The following POMGNT2 variants were observed in gnomAD, a reference collection of about 807,000 sequenced individuals.
The protein encoded by POMGNT2 is protein O-linked mannose N-acetylglucosaminyltransferase 2 (beta 1,4-).
POMGNT2 carries 32 observed loss-of-function variants against 37.8 expected under a neutral mutation model. The ratio of observed to expected loss-of-function variants is 0.85; its 90% CI spans 0.64 to 1.14. The LOEUF is 1.14. Ranked by LOEUF, POMGNT2 falls within the 50% of genes most tolerant of loss-of-function variation. The probability of loss-of-function intolerance (pLI) is 0.00; values close to 1 mark genes in which losing one functional copy is unlikely to be tolerated. For synonymous variants in POMGNT2, 340 were observed against 336.8 expected, an observed-to-expected ratio of 1.01 and a Z score of -0.10; for missense variants, 705 against 780.6, an observed-to-expected ratio of 0.90 and a Z score of 1.15.
At chr3:43,085,540 T>C (rs962333230) in intron 1 of POMGNT2, among the ~76,000 whole-genome samples, 2 of 152,164 alleles carry the variant, frequency 1.3e-5, no homozygotes, top group African/African-American at 2.4e-5. Flanking sequence ...ACGTAAGATG[T>C]GCCTTGTTCC....
rs1559414462 is a variant in POMGNT2, at chr3:43,080,752, A to T, written c.680T>A (p.Leu227Gln). ...RAQLKTLGRL[L>Q]CFSHAFVGLS... ...GCCCACAAAAGCATGGGAGAAGCAC[A>T]GCAGCCGGCCCAGGGTCTTCAGCTG... Residue 227 changes from leucine (L) to glutamine (Q), a missense_variant, in exon 2 of 2, where the codon CTG becomes CAG. By Grantham distance (113) the Leu-to-Gln change is moderately radical. Transcript: ENST00000344697. 3.1e-6 allele frequency: 5 copies of T among 1,614,104 alleles called. No homozygotes were observed. The highest frequency in any genetic ancestry group is 4.2e-6 in the Non-Finnish European group (5 of 1,180,032).
At chr3:43,103,880 C>T (rs1470129564) in intron 1 of POMGNT2, among the ~76,000 whole-genome samples, 1 of 152,200 alleles carries the variant, frequency 6.6e-6, no homozygotes, top group Non-Finnish European at 1.5e-5. Flanking sequence ...ATTATACCTA[C>T]TTCACAGGGT....
chr3:43,089,230 C>T (rs1336594767), intron 1 of POMGNT2, among the ~76,000 whole-genome samples: 1 of 152,214 alleles, frequency 6.6e-6, no homozygotes, highest in Non-Finnish European at 1.5e-5. Flanking sequence ...GTGAGCCCTG[C>T]AGGCAGGAAG....
rs780142588 is a variant in POMGNT2, at chr3:43,080,403, G to A, written c.1029C>T (p.Ser343=). The change falls in exon 2 of 2, where the codon AGC becomes AGT. Residue 343 remains serine (S), a synonymous_variant. Coordinates refer to ENST00000344697, the MANE Select transcript of POMGNT2 (RefSeq NM_032806.6). ...RLVSNASMLV[S]MHGAQLVTTL... is the part of the protein sequence containing the mutation. The stretch of plus-strand genomic sequence containing the variant: ...TGGTGACCAGCTGGGCCCCATGCAT[G>A]CTGACCAGCATGGAGGCATTGCTGA... 5.6e-6 allele frequency: 9 copies of A among 1,614,160 alleles called. No homozygotes were observed. The highest frequency in any genetic ancestry group is 3.3e-5 in the Admixed American group (2 of 60,038).
At chr3:43,096,461 G>A (rs2089980690) in intron 1 of POMGNT2, among the ~76,000 whole-genome samples, 1 of 152,176 alleles carries the variant, frequency 6.6e-6, no homozygotes, top group Non-Finnish European at 1.5e-5. Flanking sequence ...CCATTTTATA[G>A]ATTGGGACAC....
chr3:43,085,904 T>C (rs1276319876), intron 1 of POMGNT2, among the ~76,000 whole-genome samples: 1 of 152,134 alleles, frequency 6.6e-6, no homozygotes, highest in East Asian at 1.9e-4. Context: ...GTAGAATATA[T>C]AGGAGGCAAG....
chr3:43,099,900 G>A (rs567720827), intron 1 of POMGNT2, among the ~76,000 whole-genome samples: 2 of 152,096 alleles, frequency 1.3e-5, no homozygotes, highest in Non-Finnish European at 2.9e-5. Context: ...CAATCACTAG[G>A]TGCCAGATTC....
At chr3:43,104,378 T>G (rs980314757) in intron 1 of POMGNT2, among the ~76,000 whole-genome samples, 1 of 152,238 alleles carries the variant, frequency 6.6e-6, no homozygotes, top group African/African-American at 2.4e-5. Flanking sequence ...CAATATTTAC[T>G]AGAAGGCTTT....
At chr3:43,084,190 G>T (rs1015616820) in intron 1 of POMGNT2, among the ~76,000 whole-genome samples, 9 of 152,214 alleles carry the variant, frequency 5.9e-5, no homozygotes, top group Admixed American at 2.6e-4. Context: ...CTTGGTGTGG[G>T]TTTCTTTGGG....
At chr3:43,084,067 G>A (rs1444440433) in intron 1 of POMGNT2, among the ~76,000 whole-genome samples, 1 of 152,172 alleles carries the variant, frequency 6.6e-6, no homozygotes, top group African/African-American at 2.4e-5. Context: ...TGGCCTCTGT[G>A]ACTGCTGATG....
chr3:43,085,763 CA>C lies in POMGNT2; in HGVS notation c.-105-4228del, dbSNP rs535364234. Among the ~76,000 whole-genome samples the C allele has an allele frequency of 3.5e-3, 495 of 142,602 alleles. 3 individuals are homozygous for C. Among genetic ancestry groups the C allele is most frequent in the South Asian group, 0.017 (77 of 4,530 alleles). The allele number at this position is 142,602 out of a possible 152,430, so 93.6% of individuals were successfully genotyped here. A position where few individuals can be genotyped will look rare whatever the true frequency, so the allele number is the denominator to read the frequency against. On this transcript the variant is annotated intron_variant, in intron 1 of 1. Transcript: ENST00000344697. ...TTTTGCAGGAATGGGGTATTTACAG[CA>C]AAAAAAAAAAAGTTTTGCTAAACTG... is the stretch of plus-strand genomic sequence containing the variant.
chr3:43,105,239 G>A (rs1382657073), intron 1 of POMGNT2, among the ~76,000 whole-genome samples: 1 of 152,208 alleles, frequency 6.6e-6, no homozygotes, highest in East Asian at 1.9e-4. Flanking sequence ...GGAGTCAGGA[G>A]TTCACTGGGT....
intron 1 of POMGNT2, among the ~76,000 whole-genome samples, chr3:43,101,310 C>T (rs940578295): frequency 6.6e-6 from 1 of 152,206 alleles, no homozygotes; most frequent in Non-Finnish European, 1.5e-5. Flanking sequence ...TGGAGGAAGA[C>T]TTTCCTAAAG....
chr3:43,102,074 G>T (rs1197925455), intron 1 of POMGNT2, among the ~76,000 whole-genome samples: 5 of 151,970 alleles, frequency 3.3e-5, no homozygotes, highest in Admixed American at 2.0e-4. Flanking sequence ...CCCCTGAACA[G>T]AGCAAATTTG....
chr3:43,096,287 T>C (rs1264736303), intron 1 of POMGNT2, among the ~76,000 whole-genome samples: 1 of 152,096 alleles, frequency 6.6e-6, no homozygotes, highest in East Asian at 1.9e-4. Context: ...ATTCCCAGAT[T>C]ACCAACAACT....
At chr3:43,100,592 T>C (rs2090011546) in intron 1 of POMGNT2, among the ~76,000 whole-genome samples, 1 of 152,200 alleles carries the variant, frequency 6.6e-6, no homozygotes, top group Non-Finnish European at 1.5e-5. Flanking sequence ...GAAAACATTC[T>C]CTCACACCAC....
At position 43,079,737 on chromosome 3, in the gene POMGNT2, G is replaced by A; in HGVS notation, c.1695C>T (p.Asn565=). 6.2e-7 allele frequency: 1 copy of A among 1,614,176 alleles called. No individual in the cohort carries two copies. Among genetic ancestry groups the A allele is most frequent in the South Asian group, 1.1e-5 (1 of 91,088 alleles). Residue 565 remains asparagine, a synonymous_variant, in exon 2 of 2, where the codon AAC becomes AAT. Coordinates refer to ENST00000344697, the MANE Select transcript of POMGNT2 (RefSeq NM_032806.6). ...CTGCAAAGGGTCCCAGGAGGATCTTGTTGAAGATGCAGCGGACCCACACCA... is the reference window on the plus strand; with the variant it reads ...CTGCAAAGGGTCCCAGGAGGATCTTATTGAAGATGCAGCGGACCCACACCA... ...TYLVWVRCIF[N]KILLGPFADV...
Position 43,079,703 on chromosome 3 carries a change from C to T in POMGNT2, c.1729G>A (p.Val577Met), listed in dbSNP as rs1184055654. 2 of 1,612,862 alleles carry T rather than the reference C, an allele frequency of 1.2e-6. No individual in the cohort carries two copies. The highest frequency in any genetic ancestry group is 1.3e-5 in the African/African-American group (1 of 74,944). The change falls in exon 2 of 2, where the codon GTG becomes ATG. Residue 577 changes from valine (V) to methionine (M), a missense_variant. Transcript: ENST00000344697. ...TGGCCTGCTCGCTACGTGTTGCACACCAGCACATCTGCAAAGGGTCCCAGG... is the reference window on the plus strand; with the variant it reads ...TGGCCTGCTCGCTACGTGTTGCACATCAGCACATCTGCAAAGGGTCCCAGG... Reference protein sequence around the residue: ...ILLGPFADVLVCNT With the variant: ...ILLGPFADVLMCNT
At chr3:43,100,033 C>G (rs918286917) in intron 1 of POMGNT2, among the ~76,000 whole-genome samples, 1 of 152,162 alleles carries the variant, frequency 6.6e-6, no homozygotes, top group Non-Finnish European at 1.5e-5. Context: ...GCTACAGGGT[C>G]TGCGATCTCC....
Sources: allele counts gnomAD v4.1 joint callset (sites outside exome capture counted in the v4.1 genomes callset), GRCh38; gene constraint gnomAD v4.1.1; transcripts MANE v1.5; gene names NCBI Gene and HGNC (gene_info 2026-07-23, HGNC 2026-07-21).